Variants in THOC5 observed in about 807,000 individuals in gnomAD.
THOC5 encodes the protein Fms-interacting protein.
Under a neutral mutation model 92.9 loss-of-function variants are expected in THOC5, and 43 were observed. The ratio of observed to expected loss-of-function variants is 0.46; its 90% CI spans 0.36 to 0.60. The LOEUF (loss-of-function observed/expected upper bound fraction) is 0.60. Ranked by LOEUF, THOC5 falls within the 20% of genes least tolerant of loss-of-function variation. The pLI is 0.00. For missense variants in THOC5, 659 were observed against 849.4 expected (o/e 0.78, Z 2.79); for synonymous variants, 296 against 320.1 (o/e 0.92, Z 0.80).
intron 2 of THOC5, 104 bp from the exon 3 acceptor site, chr22:29,544,707 ATG>A: frequency 8.4e-7 from 1 of 1,183,934 alleles, no homozygotes; most frequent in Non-Finnish European, 1.2e-6. Flanking sequence ...AACAGTAACA[ATG>A]AAGCCTCAGT....
At chr22:29,534,761 T>C (rs1432038325) in intron 7 of THOC5, 1 of 151,384 alleles carries the variant, frequency 6.6e-6, no homozygotes, top group African/African-American at 2.4e-5. Context: ...GAGACCATCC[T>C]GGCTAACATG....
At position 29,531,951 on chromosome 22, in the gene THOC5, C is replaced by T; in HGVS notation, c.727G>A (p.Val243Met). Residue 243 changes from valine to methionine, a missense_variant, in exon 8 of 20, where the codon GTG becomes ATG. By Grantham distance (21) the Val-to-Met change is conservative. Transcript: ENST00000490103. Reference protein sequence around the residue: ...LNSIMQASLPVQEYLFMPFDQ... With the variant: ...LNSIMQASLPMQEYLFMPFDQ... ...AATGGCATAAACAGGTACTCCTGCA[C>T]CGGAAGGGAAGCCTGCACACAAGAG... 1 of 1,614,116 alleles carries T rather than the reference C, an allele frequency of 6.2e-7. No individual in the cohort carries two copies.
rs61098773 is a variant in THOC5 at position 29,511,618 on chromosome 22, C to A, written c.1798-322G>T. The stretch of plus-strand genomic sequence containing the variant: ...AAAACGTGTTCCATGGCATGTTTGA[C>A]TTAGTAGCAGCAATGCTGATTAACA... On this transcript the variant is annotated intron_variant, in intron 18 of 19. Transcript: ENST00000490103. Among the ~76,000 whole-genome samples, 1,025 of 152,370 alleles carry A rather than the reference C, an allele frequency of 6.7e-3. 14 individuals carry two copies. The highest frequency in any genetic ancestry group is 0.024 in the African/African-American group (983 of 41,592).
At chr22:29,516,989 G>A (rs768045503) in intron 17 of THOC5, 40 bp downstream of exon 17, 22 of 1,600,810 alleles carry the variant, frequency 1.4e-5, no homozygotes, top group East Asian at 2.2e-5. Flanking sequence ...TCTTGGCAGC[G>A]CCCTTTGTCT....
At chr22:29,519,836 G>A (rs540410839) in intron 14 of THOC5, among the ~76,000 whole-genome samples, 172 bp downstream of exon 14, 1 of 151,962 alleles carries the variant, frequency 6.6e-6, no homozygotes, top group Non-Finnish European at 1.5e-5. Flanking sequence ...GTTTCATCAT[G>A]TTGGCCAGGC....
intron 10 of THOC5, 110 bp downstream of exon 10, chr22:29,528,316 A>G: frequency 6.2e-7 from 1 of 1,613,986 alleles, no homozygotes; most frequent in African/African-American, 1.3e-5. Flanking sequence ...CCCTCCCAGC[A>G]GCACCTTCTT....
chr22:29,541,191 A>AAAAAG lies in THOC5; in HGVS notation c.452+1663_452+1667dup, dbSNP rs774137710. ...CAGAGCGAGACTTTATCTTTAAAAA[A>AAAAAG]AAAAGAAAAGAAAAGAAAAGAAAAA... On this transcript the variant is annotated intron_variant, in intron 5 of 19. Transcript: ENST00000490103. 3.3e-5 allele frequency among the ~76,000 whole-genome samples: 5 copies of AAAAAG among 152,108 alleles called. No homozygotes were observed. The East Asian group carries it at 7.7e-4, about 23-fold the overall frequency.
At chr22:29,548,937 G>A (rs1301985901) in intron 2 of THOC5, 115 bp downstream of exon 2, 2 of 868,816 alleles carry the variant, frequency 2.3e-6, no homozygotes, top group Non-Finnish European at 3.5e-6. Context: ...TCAAGTGGAA[G>A]CCACCAAAAA....
chr22:29,511,871 C>A, intron 18 of THOC5, 150 bp downstream of exon 18: 1 of 696,328 alleles, frequency 1.4e-6, no homozygotes, highest in Non-Finnish European at 2.5e-6. Context: ...GTACACCACA[C>A]AAGCTCCAGC....
At position 29,536,405 on chromosome 22, in the gene THOC5, G is replaced by A. The variant is rs996880846; in HGVS notation, c.714+219C>T. The A allele has an allele frequency of 2.1e-4, 105 of 502,288 alleles. 1 individual carries two copies. Among genetic ancestry groups the A allele is most frequent in the African/African-American group, 2.0e-3 (101 of 51,622 alleles). 31.1% of individuals were successfully genotyped at this position (502,288 alleles called of 1,614,324 possible). On this transcript the variant is annotated intron_variant, in intron 7 of 19. Coordinates refer to ENST00000490103, the MANE Select transcript of THOC5 (RefSeq NM_003678.5). ...CGTTACCCAGAGAAGGCCTCTGGAT[G>A]AAAACACCCAGGTCAATGTGTGTAT...
At chr22:29,551,719 C>G (rs1283678801) in intron 1 of THOC5, among the ~76,000 whole-genome samples, 1 of 152,022 alleles carries the variant, frequency 6.6e-6, no homozygotes, top group African/African-American at 2.4e-5. Flanking sequence ...CCACTGCACT[C>G]AGTCTTGACA....
chr22:29,524,544 A>C (rs2146481848), intron 12 of THOC5, among the ~76,000 whole-genome samples: 1 of 152,310 alleles, frequency 6.6e-6, no homozygotes, highest in Admixed American at 6.5e-5. Flanking sequence ...AATGTTCATG[A>C]TGAGCTCTAC....
At chr22:29,522,645 AC>A (rs1215973176) in intron 12 of THOC5, among the ~76,000 whole-genome samples, 1 of 152,166 alleles carries the variant, frequency 6.6e-6, no homozygotes, top group Non-Finnish European at 1.5e-5. Flanking sequence ...TAACACCAAA[AC>A]AAAAAAACTT....
At chr22:29,512,742 GCT>G (rs1299571665) in intron 17 of THOC5, among the ~76,000 whole-genome samples, 1 of 152,132 alleles carries the variant, frequency 6.6e-6, no homozygotes, top group Non-Finnish European at 1.5e-5. Context: ...AAAGAAACAG[GCT>G]CTGACAGAAA....
chr22:29,543,027 A>G (rs2063931715), intron 4 of THOC5, 71 bp from the exon 5 acceptor site: 2 of 1,103,370 alleles, frequency 1.8e-6, no homozygotes, highest in Admixed American at 2.0e-5. Context: ...TCAGCAAACT[A>G]AGAGAAGGTG....
chr22:29,543,611 A>G, intron 3 of THOC5, 69 bp from the exon 4 acceptor site: 1 of 1,232,388 alleles, frequency 8.1e-7, no homozygotes, highest in Non-Finnish European at 1.2e-6. Flanking sequence ...GTCCTTCACC[A>G]CTGACCCATC....
At chr22:29,531,001 T>C in intron 8 of THOC5, 1 of 990,770 alleles carries the variant, frequency 1.0e-6, no homozygotes, top group Non-Finnish European at 1.2e-6. Context: ...TTTTCAGCCA[T>C]TTAATATTAG....
chr22:29,517,461 T>C, intron 15 of THOC5, 95 bp from the exon 16 acceptor site: 1 of 1,075,666 alleles, frequency 9.3e-7, no homozygotes, highest in Non-Finnish European at 1.4e-6. Context: ...AGGGCTCAGA[T>C]GGCCCGGCCA....
Position 29,508,477 on chromosome 22 carries a change from CCT to C in THOC5, c.2030_2031del (p.Gln677ArgfsTer34). The C allele has an allele frequency of 6.2e-7, 1 of 1,614,078 alleles. No individual in the cohort carries two copies. The highest frequency in any genetic ancestry group is 8.5e-7 in the Non-Finnish European group (1 of 1,180,020). ...RMKPFKYNHPQGFFSHR is the reference protein window; with the variant it reads ...RMKPFKYNHPXGFFSHR ...GGAGATCAGCGATGGCTGAAGAATC[CCT>C]GAGGATGGTTGTATTTAAATGGCTT... is the stretch of plus-strand genomic sequence containing the variant. On this transcript the variant is annotated frameshift_variant, in exon 20 of 20. Coordinates refer to ENST00000490103, the MANE Select transcript of THOC5 (RefSeq NM_003678.5). LOFTEE classifies it high-confidence loss of function.
Sources: gnomAD v4.1 joint callset for allele counts (sites outside exome capture counted in the v4.1 genomes callset) on GRCh38, gnomAD v4.1.1 for gene constraint, MANE v1.5 for transcripts, NCBI Gene and HGNC (gene_info 2026-07-23, HGNC 2026-07-21) for gene names.